CEP85L: variants seen among roughly 807,000 people sequenced by gnomAD.
CEP85L encodes the protein centrosomal protein 85L, also known as centrosomal protein of 85 kDa-like.
Under a neutral mutation model 100.3 loss-of-function variants are expected in CEP85L, and 60 were observed. The observed-to-expected ratio is 0.60, with a 90% confidence interval of 0.49 to 0.74. CEP85L has a LOEUF of 0.74. Ranked by LOEUF, CEP85L falls within the 30% of genes least tolerant of loss-of-function variation. The pLI is 0.00. For missense variants in CEP85L, 973 were observed against 936.2 expected (o/e 1.04, Z -0.51); for synonymous variants, 319 against 322.7 (o/e 0.99, Z 0.12).
intron 3 of CEP85L, among the ~76,000 whole-genome samples, chr6:118,535,460 A>C (rs1777537501): frequency 6.6e-6 from 1 of 152,240 alleles, no homozygotes; most frequent in Non-Finnish European, 1.5e-5. Flanking sequence ...ATCCTCATAT[A>C]ATCGCAGTTT....
chr6:118,700,977 G>A (rs569621280), intron 1 of CEP85L, among the ~76,000 whole-genome samples: 2 of 152,300 alleles, frequency 1.3e-5, no homozygotes, highest in Admixed American at 6.5e-5. Flanking sequence ...GTCCTCAGGA[G>A]GGAATCCCTC....
intron 1 of CEP85L, among the ~76,000 whole-genome samples, chr6:118,637,726 A>AAAAAAAAT (rs397731750): frequency 1.3e-5 from 2 of 149,912 alleles, no homozygotes; most frequent in East Asian, 1.9e-4. Context: ...AAAAAAAAAA[A>AAAAAAAAT]GTTGTCTATA....
chr6:118,589,492 C>A, intron 2 of CEP85L: 1 of 254,726 alleles, frequency 3.9e-6, no homozygotes, highest in Non-Finnish European at 8.6e-6. Context: ...AGCTGTGTCC[C>A]CTGGGAAAAG....
chr6:118,547,021 C>T (rs1778245079), intron 3 of CEP85L, among the ~76,000 whole-genome samples: 2 of 152,036 alleles, frequency 1.3e-5, no homozygotes, highest in African/African-American at 2.4e-5. Context: ...AGATCATTTC[C>T]ATTTAAGGGC....
At chr6:118,489,966 T>C (rs575394105) in intron 6 of CEP85L, among the ~76,000 whole-genome samples, 5 of 142,054 alleles carry the variant, frequency 3.5e-5, no homozygotes, top group Non-Finnish European at 7.7e-5. Context: ...CACACACACA[T>C]ACGTGTGTGT....
chr6:118,499,117 A>G (rs751163580), intron 5 of CEP85L, among the ~76,000 whole-genome samples: 1 of 152,242 alleles, frequency 6.6e-6, no homozygotes, highest in Non-Finnish European at 1.5e-5. Context: ...GTACTTAGAA[A>G]TTTATAGCAT....
At chr6:118,521,618 G>A (rs1437737940) in intron 4 of CEP85L, among the ~76,000 whole-genome samples, 1 of 152,178 alleles carries the variant, frequency 6.6e-6, no homozygotes, top group Non-Finnish European at 1.5e-5. Context: ...TATAATGGAA[G>A]TGATGTTGAG....
At chr6:118,520,700 T>TC (rs1188377267) in intron 4 of CEP85L, among the ~76,000 whole-genome samples, 1 of 152,190 alleles carries the variant, frequency 6.6e-6, no homozygotes, top group African/African-American at 2.4e-5. Context: ...CCCCCAGCCT[T>TC]CCCGCCTCCA....
Position 118,651,358 on chromosome 6 carries a change from G to A in CEP85L, c.-89C>T, listed in dbSNP as rs922250456. 3 of 1,379,334 alleles carry A rather than the reference G, an allele frequency of 2.2e-6. No homozygotes were observed. The highest frequency in any genetic ancestry group is 3.1e-5 in the East Asian group (1 of 32,262). 85.4% of individuals were successfully genotyped at this position (1,379,334 alleles called of 1,614,324 possible). On this transcript the variant is annotated 5_prime_UTR_variant, in exon 1 of 13. It adds an upstream start codon to the 5' untranslated region. Transcript: ENST00000368491. Reference sequence around the variant, plus strand: ...TCGGCGGCGGAAACTTGCGCGGAGCGTGGGCCTCGGCGACACGGGCAGGAG... The same window carrying A: ...TCGGCGGCGGAAACTTGCGCGGAGCATGGGCCTCGGCGACACGGGCAGGAG...
At chr6:118,527,971 T>C (rs891895610) in intron 3 of CEP85L, among the ~76,000 whole-genome samples, 2 of 152,112 alleles carry the variant, frequency 1.3e-5, no homozygotes, top group African/African-American at 2.4e-5. Flanking sequence ...CTTCCAAAGA[T>C]CTAAAATAGG....
At chr6:118,506,774 G>A (rs1775685037) in intron 5 of CEP85L, among the ~76,000 whole-genome samples, 1 of 152,114 alleles carries the variant, frequency 6.6e-6, no homozygotes. Context: ...ACAAAAATCT[G>A]AGGTCAGATG....
At chr6:118,467,460 G>C (rs1370013483) in intron 12 of CEP85L, among the ~76,000 whole-genome samples, 1 of 152,120 alleles carries the variant, frequency 6.6e-6, no homozygotes, top group Non-Finnish European at 1.5e-5. Context: ...CAGAAGGACA[G>C]GGTGAGTAAA....
chr6:118,574,814 C>A (rs540290967), intron 2 of CEP85L, among the ~76,000 whole-genome samples: 15 of 152,092 alleles, frequency 9.9e-5, no homozygotes, highest in Non-Finnish European at 1.9e-4. Flanking sequence ...CAATTAAGTG[C>A]GAAGCGAGTG....
rs1177534142 is a variant in CEP85L at position 118,479,902 on chromosome 6, T to C, written c.1883A>G (p.Asp628Gly). 20 of 1,504,556 alleles carry C rather than the reference T, an allele frequency of 1.3e-5. No individual in the cohort carries two copies. The highest frequency in any genetic ancestry group is 1.6e-5 in the Non-Finnish European group (18 of 1,104,512). The allele number at this position is 1,504,556 out of a possible 1,614,324, so 93.2% of individuals were successfully genotyped here. The change falls in exon 10 of 13, where the codon GAT becomes GGT. Residue 628 changes from aspartate to glycine, a missense_variant. Asp to Gly is a moderately conservative substitution (Grantham distance 94, BLOSUM62 -1). Around this residue, in one of 3 missense-constraint regions of CEP85L, gnomAD observed 890 missense variants for 844.5 expected, o/e 1.05. Coordinates refer to ENST00000368491, the MANE Select transcript of CEP85L (RefSeq NM_001042475.3). The stretch of plus-strand genomic sequence containing the variant: ...TTCTAAAATCATTCTGTCAATCTCA[T>C]CTTGTTGGCTGTCTATTATCTAAAA... ...TASKIIDSQQ[D>G]EIDRMILEIQ...
In CEP85L at chr6:118,461,215, C is replaced by T. The variant is rs537992497; in HGVS notation, c.*4190G>A. On this transcript the variant is annotated 3_prime_UTR_variant, in exon 13 of 13. Coordinates refer to ENST00000368491, the MANE Select transcript of CEP85L (RefSeq NM_001042475.3). ...ACTACTTCTTGTCATCACAACAATG[C>T]GATGTTAAGTTTTATGTTTATGTAT... 6.6e-5 allele frequency: 10 copies of T among 151,814 alleles called. 1 individual carries two copies. The highest frequency in any genetic ancestry group is 6.2e-4 in the South Asian group (3 of 4,806). 9.4% of individuals were successfully genotyped at this position (151,814 alleles called of 1,614,324 possible). A position where few individuals can be genotyped will look rare whatever the true frequency, so the allele number is the denominator to read the frequency against.
intron 4 of CEP85L, among the ~76,000 whole-genome samples, chr6:118,516,362 CCCA>C (rs1273691730): frequency 2.6e-5 from 4 of 152,220 alleles, no homozygotes; most frequent in African/African-American, 9.6e-5. Context: ...AATTTACACT[CCCA>C]CCAACAGTGT....
chr6:118,687,734 G>A lies in CEP85L; in HGVS notation c.-28+22302C>T, dbSNP rs537137249. Among the ~76,000 whole-genome samples, 11 of 152,178 alleles carry A rather than the reference G, an allele frequency of 7.2e-5. No individual in the cohort carries two copies. In the South Asian group the frequency reaches 1.0e-3, roughly 14 times the overall value. On this transcript the variant is annotated intron_variant, in intron 1 of 13. Transcript: ENST00000368488. Reference sequence around the variant, plus strand: ...TTCTGGTCCGTGTTTGTTACAGCTCGAGCTGAGCTTTTGCTCGCCGTCCAC... The same window carrying A: ...TTCTGGTCCGTGTTTGTTACAGCTCAAGCTGAGCTTTTGCTCGCCGTCCAC...
chr6:118,557,520 T>C (rs1256801591), intron 3 of CEP85L, among the ~76,000 whole-genome samples: 1 of 152,184 alleles, frequency 6.6e-6, no homozygotes, highest in African/African-American at 2.4e-5. Flanking sequence ...TTTCCTCCCA[T>C]ATCCCAAAAC....
At chr6:118,678,790 G>A (rs536337955) in intron 1 of CEP85L, among the ~76,000 whole-genome samples, 1 of 152,258 alleles carries the variant, frequency 6.6e-6, no homozygotes, top group African/African-American at 2.4e-5. Context: ...AAATTTTCTG[G>A]GCATGGTGGC....
Sources: gnomAD v4.1 joint callset for allele counts (sites outside exome capture counted in the v4.1 genomes callset) on GRCh38, gnomAD v4.1.1 for gene constraint, gnomAD v4.1.1 regional missense constraint, MANE v1.5 for transcripts, NCBI Gene and HGNC (gene_info 2026-07-23, HGNC 2026-07-21) for gene names.